The following EYS variants were observed in gnomAD, a reference collection of about 807,000 sequenced individuals.
The protein encoded by EYS is EGF-like photoreceptor maintenance factor.
Under a neutral mutation model 282.1 loss-of-function variants are expected in EYS, and 250 were observed. The ratio of observed to expected loss-of-function variants is 0.89; its 90% CI spans 0.80 to 0.98. EYS has a LOEUF of 0.98. Ranked by LOEUF, EYS falls within the 50% of genes least tolerant of loss-of-function variation. The pLI, the probability that EYS is intolerant of heterozygous loss-of-function variation, is 0.00. For missense variants in EYS, 4,016 were observed against 3,709.0 expected (o/e 1.08, Z -2.15); for synonymous variants, 1,355 against 1,282.9 (o/e 1.06, Z -1.20).
At chr6:65,269,632 A>G (rs1767845417) in intron 12 of EYS, among the ~76,000 whole-genome samples, 1 of 152,162 alleles carries the variant, frequency 6.6e-6, no homozygotes, top group Non-Finnish European at 1.5e-5. Flanking sequence ...TAGGTGGCCT[A>G]TACACAACAG....
intron 19 of EYS, among the ~76,000 whole-genome samples, chr6:64,847,564 A>C (rs1210926231): frequency 7.9e-5 from 12 of 152,166 alleles, no homozygotes; most frequent in Non-Finnish European, 1.3e-4. Flanking sequence ...TCCTAAAATA[A>C]TGTCTTGTAA....
chr6:65,241,146 A>G (rs185947761), intron 12 of EYS, among the ~76,000 whole-genome samples: 1 of 152,302 alleles, frequency 6.6e-6, no homozygotes, highest in Non-Finnish European at 1.5e-5. Context: ...AAGATCTTAT[A>G]TATAGTTATT....
intron 35 of EYS, among the ~76,000 whole-genome samples, chr6:63,954,622 G>A (rs143158323): frequency 7.2e-5 from 11 of 152,202 alleles, no homozygotes; most frequent in South Asian, 2.1e-4. Flanking sequence ...TCAGGGTAAC[G>A]CTTATGCTGA....
chr6:65,006,736 G>GA (rs1017355665), intron 13 of EYS, among the ~76,000 whole-genome samples: 13 of 152,182 alleles, frequency 8.5e-5, no homozygotes, highest in African/African-American at 2.6e-4. Context: ...GGTGATTGAG[G>GA]AAAAAACCAC....
intron 22 of EYS, among the ~76,000 whole-genome samples, chr6:64,721,860 G>A (rs756564653): frequency 6.6e-6 from 1 of 152,142 alleles, no homozygotes; most frequent in Non-Finnish European, 1.5e-5. Context: ...CCTTACATTT[G>A]TAGGGCTTCA....
At chr6:64,781,364 G>A (rs2149993739) in intron 22 of EYS, among the ~76,000 whole-genome samples, 1 of 152,206 alleles carries the variant, frequency 6.6e-6, no homozygotes, top group South Asian at 2.1e-4. Flanking sequence ...AGACAAGGTT[G>A]AGGCTCACTA....
intron 8 of EYS, among the ~76,000 whole-genome samples, chr6:65,353,821 C>T (rs904649304): frequency 6.6e-6 from 1 of 151,950 alleles, no homozygotes; most frequent in Non-Finnish European, 1.5e-5. Flanking sequence ...GTTCAAAAGC[C>T]TATATGATAA....
At chr6:63,939,706 GA>G (rs898199707) in intron 35 of EYS, among the ~76,000 whole-genome samples, 3 of 150,498 alleles carry the variant, frequency 2.0e-5, no homozygotes, top group East Asian at 1.9e-4. Context: ...CAGAAATATT[GA>G]AAAAAAACTA....
chr6:65,333,287 G>A (rs1769863266), intron 11 of EYS, among the ~76,000 whole-genome samples: 1 of 151,316 alleles, frequency 6.6e-6, no homozygotes, highest in South Asian at 2.1e-4. Flanking sequence ...ATTTCACTTT[G>A]ATTCATTGTT....
At chr6:64,295,031 C>A (rs1272882412) in intron 30 of EYS, among the ~76,000 whole-genome samples, 1 of 151,966 alleles carries the variant, frequency 6.6e-6, no homozygotes, top group East Asian at 2.0e-4. Context: ...AACTAATATT[C>A]AGCTATGGTT....
chr6:64,017,872 T>C (rs1249327677), intron 33 of EYS, among the ~76,000 whole-genome samples: 2 of 152,226 alleles, frequency 1.3e-5, no homozygotes, highest in Non-Finnish European at 2.9e-5. Context: ...CTTAAACCTC[T>C]CTGAGTTTCC....
chr6:65,684,758 C>T (rs992675565), intron 1 of EYS, among the ~76,000 whole-genome samples: 2 of 151,966 alleles, frequency 1.3e-5, no homozygotes, highest in East Asian at 1.9e-4. Context: ...ATGGGTACAT[C>T]GTGTGTCACG....
chr6:64,790,537 G>A (rs1774158157), intron 22 of EYS, among the ~76,000 whole-genome samples: 1 of 151,868 alleles, frequency 6.6e-6, no homozygotes, highest in Non-Finnish European at 1.5e-5. Context: ...ATAAGTGACT[G>A]AAAAGAAATA....
chr6:64,900,942 G>A (rs894771157), intron 18 of EYS, among the ~76,000 whole-genome samples: 18 of 151,940 alleles, frequency 1.2e-4, no homozygotes, highest in African/African-American at 1.2e-4. Context: ...ACATGCACAC[G>A]CATGTTTATT....
chr6:63,909,190 A>T (rs1188559271), intron 35 of EYS, among the ~76,000 whole-genome samples: 1 of 152,144 alleles, frequency 6.6e-6, no homozygotes, highest in Non-Finnish European at 1.5e-5. Context: ...ATTTTTATGG[A>T]AATCCTTAAT....
intron 30 of EYS, among the ~76,000 whole-genome samples, chr6:64,243,601 G>GCC (rs1562269272): frequency 6.6e-6 from 1 of 152,190 alleles, no homozygotes; most frequent in Non-Finnish European, 1.5e-5. Context: ...TGGACACATG[G>GCC]CCAAACTCAC....
At chr6:64,180,387 G>A (rs1764755509) in intron 31 of EYS, among the ~76,000 whole-genome samples, 1 of 152,004 alleles carries the variant, frequency 6.6e-6, no homozygotes, top group African/African-American at 2.4e-5. Flanking sequence ...ACCTACTACC[G>A]ACCAAAAATA....
intron 30 of EYS, among the ~76,000 whole-genome samples, chr6:64,241,989 A>T (rs1258267700): frequency 6.6e-6 from 1 of 152,040 alleles, no homozygotes; most frequent in African/African-American, 2.4e-5. Flanking sequence ...TGAGTTTCTT[A>T]ATCTTGAGTT....
intron 35 of EYS, among the ~76,000 whole-genome samples, chr6:63,869,089 T>C (rs1215212194): frequency 1.3e-5 from 2 of 152,188 alleles, no homozygotes; most frequent in African/African-American, 4.8e-5. Context: ...AATATACCCA[T>C]GAACAGAGAG....
Sources: allele counts gnomAD v4.1 joint callset (sites outside exome capture counted in the v4.1 genomes callset), GRCh38; gene constraint gnomAD v4.1.1; transcripts MANE v1.5; gene names NCBI Gene and HGNC (gene_info 2026-07-23, HGNC 2026-07-21).